Variants in ZNF277 observed in about 807,000 individuals in gnomAD.
The protein encoded by ZNF277 is zinc finger protein 277, also known as nuclear receptor-interacting factor 4.
In ZNF277, 55 loss-of-function variants were observed where a neutral mutation model predicts 60.7. The observed-to-expected ratio is 0.91, with a 90% confidence interval of 0.73 to 1.13. The LOEUF (loss-of-function observed/expected upper bound fraction) is 1.13. ZNF277 is among the 50% of genes most tolerant of loss of function. The pLI is 0.00. For synonymous variants in ZNF277, 178 were observed against 179.3 expected, an observed-to-expected ratio of 0.99 and a Z score of 0.06; for missense variants, 510 against 523.0, an observed-to-expected ratio of 0.98 and a Z score of 0.24.
intron 1 of ZNF277, among the ~76,000 whole-genome samples, chr7:112,211,709 T>A (rs887086201): frequency 1.3e-5 from 2 of 152,206 alleles, no homozygotes; most frequent in African/African-American, 2.4e-5. Flanking sequence ...TGTGTGGCAT[T>A]TAAGATTCTA....
At chr7:112,292,634 G>C (rs1792235550) in intron 2 of ZNF277, among the ~76,000 whole-genome samples, 1 of 152,140 alleles carries the variant, frequency 6.6e-6, no homozygotes, top group South Asian at 2.1e-4. Flanking sequence ...CATGACACTA[G>C]AGGAACTGTG....
rs894088797 is a variant in ZNF277 at position 112,208,820 on chromosome 7, A to G, written c.91+2013A>G. ...CTCAGCCTCCCGAGTAACTGGGACT[A>G]CAGGCGCCAGCCAACAAGCCCGGCT... On this transcript the variant is annotated intron_variant, in intron 1 of 11. Coordinates refer to ENST00000361822, the MANE Select transcript of ZNF277 (RefSeq NM_021994.3). Among the ~76,000 whole-genome samples the G allele has an allele frequency of 9.2e-5, 14 of 151,524 alleles. No individual in the cohort carries two copies. In the East Asian group the frequency reaches 2.7e-3, roughly 30 times the overall value.
intron 1 of ZNF277, among the ~76,000 whole-genome samples, chr7:112,270,086 C>A (rs555740648): frequency 6.6e-6 from 1 of 152,140 alleles, no homozygotes; most frequent in South Asian, 2.1e-4. Flanking sequence ...GGATTCGCAT[C>A]CAGAATCAGT....
rs6961336 is a variant in ZNF277, at chr7:112,255,174, G to C, written c.92-31699G>C. Reference sequence around the variant, plus strand: ...AAGTCTTTTAAATAGTGCTTTTTCTGTTTGTGGTTAATACTTCATTCTTTT... The same window carrying C: ...AAGTCTTTTAAATAGTGCTTTTTCTCTTTGTGGTTAATACTTCATTCTTTT... On this transcript the variant is annotated intron_variant, in intron 1 of 11. Coordinates refer to ENST00000361822, the MANE Select transcript of ZNF277 (RefSeq NM_021994.3). Among the ~76,000 whole-genome samples the C allele has an allele frequency of 5.3e-3, 810 of 152,130 alleles. 11 individuals carry two copies. The highest frequency in any genetic ancestry group is 0.018 in the African/African-American group (727 of 41,480).
intron 2 of ZNF277, 73 bp downstream of exon 2, chr7:112,287,147 C>A: frequency 1.3e-6 from 2 of 1,503,884 alleles, no homozygotes; most frequent in Non-Finnish European, 1.8e-6. Flanking sequence ...AATCCTAGTA[C>A]TTTGGGAGGC....
intron 1 of ZNF277, among the ~76,000 whole-genome samples, chr7:112,240,864 T>G (rs1790929978): frequency 1.3e-5 from 2 of 152,170 alleles, no homozygotes; most frequent in South Asian, 4.1e-4. Context: ...CAAAATGGAT[T>G]AAAGACTTAA....
chr7:112,292,814 T>G (rs964486683), intron 2 of ZNF277, among the ~76,000 whole-genome samples: 1 of 152,200 alleles, frequency 6.6e-6, no homozygotes, highest in African/African-American at 2.4e-5. Flanking sequence ...GCCACCTATA[T>G]GTGCCCTCTG....
At chr7:112,324,155 CA>C (rs1353891285) in intron 5 of ZNF277, among the ~76,000 whole-genome samples, 4 of 151,822 alleles carry the variant, frequency 2.6e-5, no homozygotes, top group South Asian at 2.1e-4. Flanking sequence ...TATTGTAAGT[CA>C]AAAAAAATTT....
intron 1 of ZNF277, among the ~76,000 whole-genome samples, chr7:112,248,464 T>A (rs189266212): frequency 6.6e-6 from 1 of 152,032 alleles, no homozygotes; most frequent in African/African-American, 2.4e-5. Flanking sequence ...ACAACTAAAA[T>A]AGAGATTTAA....
At chr7:112,261,731 A>G (rs567993342) in intron 1 of ZNF277, among the ~76,000 whole-genome samples, 58 of 152,284 alleles carry the variant, frequency 3.8e-4, no homozygotes, top group African/African-American at 1.2e-3. Context: ...ATTAAAAGAC[A>G]CCATTGCTCA....
chr7:112,210,581 C>T (rs1228254577), intron 1 of ZNF277, among the ~76,000 whole-genome samples: 2 of 151,378 alleles, frequency 1.3e-5, no homozygotes, highest in East Asian at 1.9e-4. Flanking sequence ...AAGTGATTCT[C>T]CTGCCACAGC....
intron 1 of ZNF277, among the ~76,000 whole-genome samples, chr7:112,236,081 A>G (rs1478419546): frequency 6.6e-6 from 1 of 152,022 alleles, no homozygotes; most frequent in Non-Finnish European, 1.5e-5. Context: ...TGAATTCTCT[A>G]CCATTGATCT....
chr7:112,269,146 G>A (rs907880865), intron 1 of ZNF277, among the ~76,000 whole-genome samples: 4 of 151,442 alleles, frequency 2.6e-5, no homozygotes, highest in East Asian at 3.9e-4. Flanking sequence ...CCTTGAATTT[G>A]TTCATGATCT....
intron 1 of ZNF277, among the ~76,000 whole-genome samples, chr7:112,221,358 A>G (rs1822025776): frequency 6.6e-6 from 1 of 152,064 alleles, no homozygotes; most frequent in African/African-American, 2.4e-5. Context: ...GCTTGCCGCC[A>G]TCTTGGAAGC....
intron 11 of ZNF277, among the ~76,000 whole-genome samples, chr7:112,341,923 G>C (rs562257844): frequency 6.6e-6 from 1 of 152,212 alleles, no homozygotes; most frequent in Admixed American, 6.5e-5. Context: ...ATTAAAATTT[G>C]TAATATTCCA....
chr7:112,240,763 G>A (rs2116992916), intron 1 of ZNF277, among the ~76,000 whole-genome samples: 1 of 152,238 alleles, frequency 6.6e-6, no homozygotes, highest in Non-Finnish European at 1.5e-5. Context: ...AGAAAGGACA[G>A]TTTCTTCAAC....
chr7:112,272,616 C>G (rs1308177299), intron 1 of ZNF277, among the ~76,000 whole-genome samples: 1 of 152,178 alleles, frequency 6.6e-6, no homozygotes, highest in Non-Finnish European at 1.5e-5. Context: ...CCCTCAGCCT[C>G]CTGAGTAGCT....
At chr7:112,235,729 G>C (rs1460537976) in intron 1 of ZNF277, among the ~76,000 whole-genome samples, 7 of 151,772 alleles carry the variant, frequency 4.6e-5, no homozygotes, top group Admixed American at 2.6e-4. Flanking sequence ...TCTTGATGGT[G>C]TCCTTTGAAG....
chr7:112,306,508 C>T (rs904032232), intron 4 of ZNF277, among the ~76,000 whole-genome samples: 3 of 152,230 alleles, frequency 2.0e-5, no homozygotes, highest in South Asian at 4.1e-4. Flanking sequence ...AGCCACCGCC[C>T]CCAGCTGATG....
Sources: gnomAD v4.1 joint callset for allele counts (sites outside exome capture counted in the v4.1 genomes callset) on GRCh38, gnomAD v4.1.1 for gene constraint, MANE v1.5 for transcripts, NCBI Gene and HGNC (gene_info 2026-07-23, HGNC 2026-07-21) for gene names.